The following SLC14A2 variants were observed in gnomAD, a reference collection of about 807,000 sequenced individuals.
SLC14A2 encodes the protein urea transporter 2.
SLC14A2 carries 91 observed loss-of-function variants against 104.6 expected under a neutral mutation model. The ratio of observed to expected loss-of-function variants is 0.87; its 90% CI spans 0.73 to 1.04. The LOEUF (loss-of-function observed/expected upper bound fraction) is 1.04, where lower values mean the gene tolerates loss of function less well. SLC14A2 is among the 50% of genes least tolerant of loss of function. SLC14A2 has a pLI of 0.00. For missense variants in SLC14A2, 1,189 were observed against 1,156.0 expected (o/e 1.03, Z -0.41); for synonymous variants, 476 against 466.4 (o/e 1.02, Z -0.27).
intron 1 of SLC14A2, among the ~76,000 whole-genome samples, chr18:45,224,872 T>G (rs2084098592): frequency 6.6e-6 from 1 of 152,112 alleles, no homozygotes; most frequent in Non-Finnish European, 1.5e-5. Context: ...CTAATGAGGG[T>G]AGTTCTATCA....
At chr18:45,543,214 C>T (rs1215087793) in intron 2 of SLC14A2, among the ~76,000 whole-genome samples, 1 of 152,092 alleles carries the variant, frequency 6.6e-6, no homozygotes, top group Non-Finnish European at 1.5e-5. Flanking sequence ...TCCCAAAGTG[C>T]TGGGATTACA....
the SLC14A2 span, among the ~76,000 whole-genome samples, chr18:45,198,028 C>T: frequency 1.3e-5 from 2 of 151,938 alleles, no homozygotes; most frequent in African/African-American, 4.8e-5. Context: ...CTGATTATAA[C>T]CAGAATATCT....
chr18:45,235,825 ATATATACG>A (rs1568113512), intron 1 of SLC14A2, among the ~76,000 whole-genome samples: 2 of 106,556 alleles, frequency 1.9e-5, no homozygotes, highest in African/African-American at 3.7e-5. Context: ...ATATATATAT[ATATATACG>A]TGTATATATA....
chr18:45,463,961 T>G (rs1321172915), intron 1 of SLC14A2, among the ~76,000 whole-genome samples: 2 of 152,188 alleles, frequency 1.3e-5, no homozygotes, highest in Non-Finnish European at 2.9e-5. Context: ...CTATTTCTAA[T>G]TTTTCTGATT....
At chr18:45,427,614 G>A (rs576062329) in intron 1 of SLC14A2, among the ~76,000 whole-genome samples, 33 of 152,172 alleles carry the variant, frequency 2.2e-4, no homozygotes, top group Non-Finnish European at 4.6e-4. Flanking sequence ...GTGTGACCAG[G>A]AAAGTCCCTT....
chr18:45,660,950 T>A (rs1192331678), intron 10 of SLC14A2, among the ~76,000 whole-genome samples: 1 of 152,238 alleles, frequency 6.6e-6, no homozygotes, highest in Non-Finnish European at 1.5e-5. Flanking sequence ...CATTCTCAAC[T>A]CTTGGCTGCC....
chr18:45,168,780 GCC>G, the SLC14A2 span: 5 of 151,840 alleles, frequency 3.3e-5, no homozygotes, highest in Admixed American at 2.6e-4. Flanking sequence ...AGCACTCAGG[GCC>G]TGGAACATGA....
At chr18:45,473,616 A>T (rs976177411) in intron 1 of SLC14A2, among the ~76,000 whole-genome samples, 2 of 152,144 alleles carry the variant, frequency 1.3e-5, no homozygotes, top group African/African-American at 4.8e-5. Context: ...TTGGATTCTT[A>T]GATATTTTAT....
At chr18:45,592,327 TCCA>T (rs1358480637) in intron 2 of SLC14A2, among the ~76,000 whole-genome samples, 2 of 152,142 alleles carry the variant, frequency 1.3e-5, no homozygotes, top group East Asian at 1.9e-4. Flanking sequence ...TAAATAAAAA[TCCA>T]CCAACTCTCT....
At chr18:45,337,101 A>G (rs2085345421) in intron 1 of SLC14A2, among the ~76,000 whole-genome samples, 1 of 151,896 alleles carries the variant, frequency 6.6e-6, no homozygotes, top group Non-Finnish European at 1.5e-5. Flanking sequence ...GCAGGATGGG[A>G]GTTCAGAATA....
chr18:45,175,151 G>A, the SLC14A2 span, among the ~76,000 whole-genome samples: 1,296 of 152,248 alleles, frequency 8.5e-3, 32 homozygotes, highest in African/African-American at 0.03. Context: ...TTGCACAGGT[G>A]CAAAATGATA....
At chr18:45,440,725 G>A (rs2086669554) in intron 1 of SLC14A2, among the ~76,000 whole-genome samples, 1 of 152,170 alleles carries the variant, frequency 6.6e-6, no homozygotes, top group South Asian at 2.1e-4. Flanking sequence ...TCTGTAATGA[G>A]GGGAGTAATA....
chr18:45,375,211 G>A (rs2085761474), intron 1 of SLC14A2, among the ~76,000 whole-genome samples: 1 of 152,108 alleles, frequency 6.6e-6, no homozygotes, highest in South Asian at 2.1e-4. Context: ...TTCTTGCCTG[G>A]GGACTAGACT....
intron 1 of SLC14A2, among the ~76,000 whole-genome samples, chr18:45,240,298 T>C (rs1599603887): frequency 1.7e-5 from 2 of 116,756 alleles, no homozygotes; most frequent in South Asian, 2.4e-4. Context: ...GGTTTCACCA[T>C]GTTAGACAGG....
In SLC14A2 at chr18:45,643,129, C is replaced by T. The variant is rs752143526; in HGVS notation, c.1127-3C>T. The T allele has an allele frequency of 4.3e-6, 7 of 1,614,116 alleles. No individual in the cohort carries two copies. Among genetic ancestry groups the T allele is most frequent in the East Asian group, 4.5e-5 (2 of 44,874 alleles). On this transcript the variant is annotated splice_region_variant and splice_polypyrimidine_tract_variant and intron_variant, in intron 8 of 19. Coordinates refer to ENST00000255226, the MANE Select transcript of SLC14A2 (RefSeq NM_007163.4). ...CACTCTGGTGATCCTTGTTCCTCCA[C>T]AGCCCTGTTCTGTGCATACATGGAA...
chr18:45,663,812 C>G lies in SLC14A2; in HGVS notation c.1379C>G (p.Ala460Gly). The change falls in exon 11 of 20, where the codon GCA becomes GGA. Residue 460 changes from alanine to glycine, a missense_variant. Coordinates refer to ENST00000255226, the MANE Select transcript of SLC14A2 (RefSeq NM_007163.4). ...GGCGGTGGGGAGCATCCACCCACAG[C>G]AGGCCCAAAGGTGGAGGAGGGCTCG... is the stretch of plus-strand genomic sequence containing the variant. The part of the protein sequence containing the change: ...SGGGGEHPPT[A>G]GPKVEEGSEA... 1.2e-6 allele frequency: 2 copies of G among 1,612,990 alleles called. No homozygotes were observed. The highest frequency in any genetic ancestry group is 2.2e-5 in the East Asian group (1 of 44,844).
intron 1 of SLC14A2, among the ~76,000 whole-genome samples, chr18:45,289,113 C>T (rs8086652): frequency 0.1 from 15,741 of 152,212 alleles, 983 homozygotes; most frequent in African/African-American, 0.16. Context: ...TTCTTTTCTA[C>T]AGGAAAGGTG....
chr18:45,210,109 A>T (rs942721781), upstream of SLC14A2, among the ~76,000 whole-genome samples: 2 of 152,164 alleles, frequency 1.3e-5, no homozygotes, highest in African/African-American at 4.8e-5. Flanking sequence ...GAGCCCAGGG[A>T]AGGATGCTAG....
intron 1 of SLC14A2, among the ~76,000 whole-genome samples, chr18:45,274,115 A>T (rs1428562186): frequency 6.6e-6 from 1 of 152,028 alleles, no homozygotes; most frequent in Non-Finnish European, 1.5e-5. Flanking sequence ...GCACAACCTA[A>T]CTTGACCAAC....
Sources: allele counts gnomAD v4.1 joint callset (sites outside exome capture counted in the v4.1 genomes callset), GRCh38; gene constraint gnomAD v4.1.1; transcripts MANE v1.5; gene names NCBI Gene and HGNC (gene_info 2026-07-23, HGNC 2026-07-21).